HPSE2: variants seen among roughly 807,000 people sequenced by gnomAD.
HPSE2 encodes the protein heparanase 2 (inactive), also known as inactive heparanase-2.
A neutral mutation model predicts 60.5 loss-of-function variants in HPSE2; 38 were observed. That is an observed-to-expected ratio of 0.63 (90% CI 0.48 to 0.82). HPSE2 has a LOEUF of 0.82. Ranked by LOEUF, HPSE2 falls within the 40% of genes least tolerant of loss-of-function variation. The pLI, the probability that HPSE2 is intolerant of heterozygous loss-of-function variation, is 0.00. For missense variants in HPSE2, 713 were observed against 740.4 expected (o/e 0.96, Z 0.43); for synonymous variants, 295 against 293.2 (o/e 1.01, Z -0.06).
intron 2 of HPSE2, among the ~76,000 whole-genome samples, chr10:99,185,626 T>A (rs553193323): frequency 1.3e-5 from 2 of 151,582 alleles, no homozygotes; most frequent in Non-Finnish European, 2.9e-5. Context: ...TACAAAAAAT[T>A]AGCCGGGCGT....
chr10:98,639,162 G>A (rs1383232377), intron 7 of HPSE2, among the ~76,000 whole-genome samples: 2 of 152,166 alleles, frequency 1.3e-5, no homozygotes, highest in African/African-American at 2.4e-5. Context: ...TCAGAGACGG[G>A]AGTGAACAAG....
chr10:99,056,404 C>T (rs1286943890), intron 3 of HPSE2, among the ~76,000 whole-genome samples: 2 of 152,032 alleles, frequency 1.3e-5, no homozygotes, highest in African/African-American at 2.4e-5. Flanking sequence ...TACACAAATG[C>T]TTTCTGAAAA....
chr10:98,797,898 A>C (rs1368135402), intron 3 of HPSE2, among the ~76,000 whole-genome samples: 2 of 152,094 alleles, frequency 1.3e-5, no homozygotes, highest in African/African-American at 4.8e-5. Flanking sequence ...GATGGGGTAG[A>C]AAGTTTATTC....
chr10:98,772,052 G>A (rs1950252045), intron 3 of HPSE2, among the ~76,000 whole-genome samples: 1 of 152,190 alleles, frequency 6.6e-6, no homozygotes, highest in Admixed American at 6.5e-5. Flanking sequence ...GTTATCTGCA[G>A]GCCAGTTTTG....
At chr10:99,129,940 G>A (rs1367415071) in intron 3 of HPSE2, among the ~76,000 whole-genome samples, 1 of 151,988 alleles carries the variant, frequency 6.6e-6, no homozygotes, top group Non-Finnish European at 1.5e-5. Context: ...GAAATGGGAT[G>A]GGAGATATTA....
At chr10:99,060,171 T>C (rs1030977580) in intron 3 of HPSE2, among the ~76,000 whole-genome samples, 6 of 151,708 alleles carry the variant, frequency 4.0e-5, no homozygotes, top group African/African-American at 1.5e-4. Context: ...AAGAAAAGGA[T>C]AATATGGGCA....
chr10:98,482,180 A>G (rs1005071472), intron 11 of HPSE2, among the ~76,000 whole-genome samples: 2 of 152,066 alleles, frequency 1.3e-5, no homozygotes, highest in Non-Finnish European at 2.9e-5. Flanking sequence ...TCCTTCCTGT[A>G]AGCCCTGTGA....
Position 99,101,260 on chromosome 10 carries a change from C to T in HPSE2, c.610+42978G>A, listed in dbSNP as rs560423262. Among the ~76,000 whole-genome samples the T allele has an allele frequency of 3.3e-5, 5 of 152,236 alleles. 1 individual carries two copies. Among genetic ancestry groups the T allele is most frequent in the Admixed American group, 6.5e-5 (1 of 15,298 alleles). On this transcript the variant is annotated intron_variant, in intron 3 of 11. Coordinates refer to ENST00000370552, the MANE Select transcript of HPSE2 (RefSeq NM_021828.5). ...AGGAAACCCATCTCACATGCAAAGA[C>T]ACACATAGGCTCAAAATAAAGGGAT...
chr10:99,283,405 G>A, the HPSE2 span, among the ~76,000 whole-genome samples: 1 of 151,662 alleles, frequency 6.6e-6, no homozygotes, highest in Non-Finnish European at 1.5e-5. Flanking sequence ...TTGGGAGGCT[G>A]AGGTGGGAGG....
chr10:98,464,344 A>G (rs1442398990), intron 11 of HPSE2, among the ~76,000 whole-genome samples: 1 of 152,196 alleles, frequency 6.6e-6, no homozygotes, highest in East Asian at 1.9e-4. Flanking sequence ...ACATGCTTGA[A>G]GAGGCCAAGC....
rs562482529 is a variant in HPSE2, at chr10:99,190,705, T to C, written c.448+41643A>G. On this transcript the variant is annotated intron_variant, in intron 2 of 11. Transcript: ENST00000370552. ...TTCGCCCTTCCGCCACCCATCCCCA[T>C]GCAGGAACACCAAATTGAACAACTA... Among the ~76,000 whole-genome samples, 5 of 152,226 alleles carry C rather than the reference T, an allele frequency of 3.3e-5. No homozygotes were observed. The South Asian group carries it at 1.0e-3, about 32-fold the overall frequency.
chr10:98,869,509 T>C (rs1481728606), intron 3 of HPSE2, among the ~76,000 whole-genome samples: 4 of 152,166 alleles, frequency 2.6e-5, no homozygotes, highest in African/African-American at 7.2e-5. Flanking sequence ...TATGGCCTCA[T>C]ATGAACAAAG....
chr10:99,057,468 T>C (rs554987874), intron 3 of HPSE2, among the ~76,000 whole-genome samples: 4 of 152,176 alleles, frequency 2.6e-5, no homozygotes, highest in Non-Finnish European at 5.9e-5. Context: ...GGCAACAGCA[T>C]GGGATTTGAT....
At chr10:98,804,937 G>A (rs1279599590) in intron 3 of HPSE2, among the ~76,000 whole-genome samples, 2 of 152,090 alleles carry the variant, frequency 1.3e-5, no homozygotes, top group Admixed American at 1.3e-4. Context: ...ACACAATAGA[G>A]TAATATTCAG....
chr10:99,101,658 C>A (rs1843996513), intron 3 of HPSE2, among the ~76,000 whole-genome samples: 1 of 152,188 alleles, frequency 6.6e-6, no homozygotes, highest in African/African-American at 2.4e-5. Flanking sequence ...CAGAACTCTC[C>A]ACCCCAAATC....
Position 98,936,903 on chromosome 10 carries a change from C to T in HPSE2, c.611-192847G>A, listed in dbSNP as rs554396557. ...CTGAAGCAGGAAAATCACTTAATCC[C>T]GGGAGGCGGAGGTTGCAGTGAGCTG... is the stretch of plus-strand genomic sequence containing the variant. On this transcript the variant is annotated intron_variant, in intron 3 of 11. Transcript: ENST00000370552. Among the ~76,000 whole-genome samples, 6 of 123,990 alleles carry T rather than the reference C, an allele frequency of 4.8e-5. No homozygotes were observed. The South Asian group carries it at 1.3e-3, about 26-fold the overall frequency. The allele number at this position is 123,990 out of a possible 152,430, so 81.3% of individuals were successfully genotyped here.
chr10:99,033,626 C>CA (rs1308252654), intron 3 of HPSE2, among the ~76,000 whole-genome samples: 2 of 151,776 alleles, frequency 1.3e-5, no homozygotes, highest in Non-Finnish European at 2.9e-5. Flanking sequence ...ACTAAAAATA[C>CA]AAAAAAATTA....
intron 9 of HPSE2, among the ~76,000 whole-genome samples, chr10:98,502,876 T>C (rs1219432004): frequency 2.0e-5 from 3 of 151,728 alleles, no homozygotes; most frequent in African/African-American, 2.4e-5. Flanking sequence ...GAATAGACAA[T>C]ACTCAAAAGA....
At chr10:99,005,417 T>C (rs555215575) in intron 3 of HPSE2, among the ~76,000 whole-genome samples, 1 of 152,272 alleles carries the variant, frequency 6.6e-6, no homozygotes, top group East Asian at 1.9e-4. Context: ...ATTCTTCTGC[T>C]TGATCAATGC....
Sources: gnomAD v4.1 joint callset for allele counts (sites outside exome capture counted in the v4.1 genomes callset) on GRCh38, gnomAD v4.1.1 for gene constraint, MANE v1.5 for transcripts, NCBI Gene and HGNC (gene_info 2026-07-23, HGNC 2026-07-21) for gene names.